The following FBXO34 variants were observed in gnomAD, a reference collection of about 807,000 sequenced individuals.
FBXO34 encodes the protein F-box protein 34.
FBXO34 carries 12 observed loss-of-function variants against 24.5 expected under a neutral mutation model. The observed-to-expected ratio is 0.49, with a 90% CI of 0.31 to 0.79. FBXO34 has a LOEUF of 0.79. FBXO34 is among the 30% of genes least tolerant of loss of function. FBXO34 has a pLI of 0.04. For missense variants in FBXO34, 823 were observed against 857.7 expected (o/e 0.96, Z 0.51); for synonymous variants, 320 against 311.9 (o/e 1.03, Z -0.27).
downstream of FBXO34, among the ~76,000 whole-genome samples, chr14:55,356,075 C>G: frequency 1.3e-5 from 2 of 152,276 alleles, no homozygotes; most frequent in South Asian, 4.2e-4. Flanking sequence ...GGCTCTGAGC[C>G]GGTGGTTATG....
downstream of FBXO34, among the ~76,000 whole-genome samples, chr14:55,362,960 T>G (rs1417968267): frequency 6.6e-6 from 1 of 151,266 alleles, no homozygotes; most frequent in African/African-American, 2.4e-5. Flanking sequence ...GAAGGTGAGG[T>G]CAGGAACAAT....
the FBXO34 span, among the ~76,000 whole-genome samples, chr14:55,405,300 C>G: frequency 1.3e-5 from 2 of 152,158 alleles, no homozygotes; most frequent in Admixed American, 1.3e-4. Flanking sequence ...TGTGCCTTCC[C>G]CTTGAAATCT....
chr14:55,397,779 T>C, the FBXO34 span, among the ~76,000 whole-genome samples: 1 of 152,208 alleles, frequency 6.6e-6, no homozygotes, highest in Non-Finnish European at 1.5e-5. Flanking sequence ...CAAATTTTAA[T>C]TACTAATCTG....
the FBXO34 span, chr14:55,377,914 A>T: frequency 1.9e-6 from 3 of 1,598,012 alleles, no homozygotes; most frequent in African/African-American, 1.4e-5. Context: ...GCTAAAAAAA[A>T]TTAAAGAATT....
At chr14:55,322,096 G>A (rs936621210) in intron 1 of FBXO34, among the ~76,000 whole-genome samples, 2 of 152,170 alleles carry the variant, frequency 1.3e-5, no homozygotes, top group African/African-American at 4.8e-5. Flanking sequence ...GCTGAGGCGA[G>A]CGGATCACGA....
chr14:55,381,341 G>A, the FBXO34 span, among the ~76,000 whole-genome samples: 1 of 152,108 alleles, frequency 6.6e-6, no homozygotes, highest in Admixed American at 6.5e-5. Flanking sequence ...TCCCATTGGG[G>A]CCTTTCAGTC....
the FBXO34 span, chr14:55,397,390 T>C: frequency 8.1e-6 from 13 of 1,613,644 alleles, no homozygotes; most frequent in African/African-American, 1.3e-5. Flanking sequence ...AAATTCTTCT[T>C]GCTTGCTCTT....
rs1375651506 is a variant in FBXO34 at position 55,271,426 on chromosome 14, G to A, written c.-122G>A. On this transcript the variant is annotated 5_prime_UTR_variant, in exon 1 of 2. Transcript: ENST00000313833. Reference sequence around the variant, plus strand: ...GCCGCCGCGCCGCGCTGGGTGCTCGGTCCGACTCAGCGGTGGGGAGTGAGC... The same window carrying A: ...GCCGCCGCGCCGCGCTGGGTGCTCGATCCGACTCAGCGGTGGGGAGTGAGC... 4 of 152,134 alleles carry A rather than the reference G, an allele frequency of 2.6e-5. No individual in the cohort carries two copies. Among genetic ancestry groups the A allele is most frequent in the Admixed American group, 2.6e-4 (4 of 15,272 alleles). The allele number at this position is 152,134 out of a possible 1,614,324, so 9.4% of individuals were successfully genotyped here. A position where few individuals can be genotyped will look rare whatever the true frequency, so the allele number is the denominator to read the frequency against.
chr14:55,305,313 GAGGCAGGGGA>G (rs1249029447), intron 1 of FBXO34, among the ~76,000 whole-genome samples: 3 of 151,982 alleles, frequency 2.0e-5, no homozygotes, highest in Non-Finnish European at 4.4e-5. Context: ...TCAGGAGGCT[GAGGCAGGGGA>G]ATAATCACTT....
chr14:55,357,558 G>A (rs537380239), downstream of FBXO34, among the ~76,000 whole-genome samples: 2 of 152,300 alleles, frequency 1.3e-5, no homozygotes, highest in East Asian at 1.9e-4. Flanking sequence ...GCTCATGCCT[G>A]TAATCCGAGC....
the FBXO34 span, among the ~76,000 whole-genome samples, chr14:55,393,652 C>T: frequency 6.6e-6 from 1 of 151,616 alleles, no homozygotes; most frequent in Admixed American, 6.6e-5. Flanking sequence ...TCAAGTGATC[C>T]TCCCACCTCA....
At chr14:55,411,466 C>T in the FBXO34 span, 2 of 873,010 alleles carry the variant, frequency 2.3e-6, no homozygotes, top group Non-Finnish European at 3.4e-6. Flanking sequence ...TGCAGAGCAG[C>T]TAGCTACACT....
the FBXO34 span, chr14:55,382,179 A>T: frequency 6.2e-7 from 1 of 1,614,190 alleles, no homozygotes; most frequent in Non-Finnish European, 8.5e-7. Context: ...CTGAAGACAC[A>T]TCTGCGGGGT....
the FBXO34 span, among the ~76,000 whole-genome samples, chr14:55,431,141 A>C: frequency 2.0e-5 from 3 of 152,260 alleles, no homozygotes; most frequent in East Asian, 5.8e-4. Context: ...CTGTTACAAC[A>C]AAAGAGAATA....
At chr14:55,280,449 T>TTAA (rs1881494901) in intron 1 of FBXO34, among the ~76,000 whole-genome samples, 1 of 152,148 alleles carries the variant, frequency 6.6e-6, no homozygotes, top group South Asian at 2.1e-4. Context: ...GTATTTTAAG[T>TTAA]AATCTAGAGT....
chr14:55,330,763 C>T (rs1883506993), intron 1 of FBXO34, among the ~76,000 whole-genome samples: 1 of 152,184 alleles, frequency 6.6e-6, no homozygotes, highest in African/African-American at 2.4e-5. Flanking sequence ...TGCACTCGGC[C>T]TGGGCAACAG....
At chr14:55,432,112 A>G in the FBXO34 span, among the ~76,000 whole-genome samples, 1 of 152,162 alleles carries the variant, frequency 6.6e-6, no homozygotes, top group Non-Finnish European at 1.5e-5. Flanking sequence ...GTGTTTTTTA[A>G]AAAACCCACC....
chr14:55,437,031 C>G, the FBXO34 span: 1 of 1,608,610 alleles, frequency 6.2e-7, no homozygotes, highest in Non-Finnish European at 8.5e-7. Context: ...AGGCAGTTCC[C>G]AAAACAGACA....
At chr14:55,355,218 C>T (rs1357297430), downstream of FBXO34, 1 of 152,332 alleles carries the variant, frequency 6.6e-6, no homozygotes, top group Non-Finnish European at 1.5e-5. Context: ...TAAGGAGGGG[C>T]TCAGGTAAGA....
Sources: allele counts gnomAD v4.1 joint callset (sites outside exome capture counted in the v4.1 genomes callset), GRCh38; gene constraint gnomAD v4.1.1; transcripts MANE v1.5; gene names NCBI Gene and HGNC (gene_info 2026-07-23, HGNC 2026-07-21).